PKHD1: variants seen among roughly 807,000 people sequenced by gnomAD.
PKHD1 encodes fibrocystin.
Under a neutral mutation model 412.0 loss-of-function variants are expected in PKHD1, and 291 were observed. The ratio of observed to expected loss-of-function variants is 0.71; its 90% CI spans 0.64 to 0.78. The LOEUF is 0.78. Among genes scored for constraint, PKHD1 ranks in the 30% least tolerant of loss-of-function variants. The pLI, the probability that PKHD1 is intolerant of heterozygous loss-of-function variation, is 0.00. For synonymous variants in PKHD1, 1,777 were observed against 1,821.5 expected, an observed-to-expected ratio of 0.98 and a Z score of 0.62; for missense variants, 4,825 against 4,950.7, an observed-to-expected ratio of 0.97 and a Z score of 0.76.
intron 37 of PKHD1, among the ~76,000 whole-genome samples, chr6:51,931,550 A>G (rs781221033): frequency 6.6e-6 from 1 of 152,186 alleles, no homozygotes; most frequent in Non-Finnish European, 1.5e-5. Context: ...AGAATTGATG[A>G]GCTGCACGTG....
chr6:52,086,401 A>C (rs1291236403), intron 1 of PKHD1, among the ~76,000 whole-genome samples: 5 of 152,004 alleles, frequency 3.3e-5, no homozygotes, highest in Non-Finnish European at 2.9e-5. Context: ...ATGAACCACC[A>C]CACCTGGCCA....
chr6:51,764,141 C>T (rs1788539451), intron 55 of PKHD1, among the ~76,000 whole-genome samples: 1 of 146,344 alleles, frequency 6.8e-6, no homozygotes. Flanking sequence ...TGATATTCCC[C>T]TTCCTGTGTC....
At position 52,060,141 on chromosome 6, in the gene PKHD1, AAAG is replaced by A. The variant is rs149924869; in HGVS notation, c.1119-102_1119-100del. On this transcript the variant is annotated intron_variant, in intron 14 of 66. Coordinates refer to ENST00000371117, the MANE Select transcript of PKHD1 (RefSeq NM_138694.4). ...GTACTTTGTCTTCTTTTATGGTAATAAAGAAGAACAACCTGATTCTTATGCCAC... is the reference window on the plus strand; with the variant it reads ...GTACTTTGTCTTCTTTTATGGTAATAAAGAACAACCTGATTCTTATGCCAC... 3,894 of 728,214 alleles carry A rather than the reference AAAG, an allele frequency of 5.3e-3. 97 individuals are homozygous for A. The African/African-American group carries it at 0.057, about 11-fold the overall frequency. 45.1% of individuals were successfully genotyped at this position (728,214 alleles called of 1,614,324 possible).
At chr6:51,871,409 AG>A in intron 46 of PKHD1, among the ~76,000 whole-genome samples, 1 of 73,018 alleles carries the variant, frequency 1.4e-5, no homozygotes, top group African/African-American at 3.9e-5. Flanking sequence ...TCAGGAGTGA[AG>A]GAAGCCAGTC....
At chr6:51,728,572 A>C (rs1242632698) in intron 60 of PKHD1, among the ~76,000 whole-genome samples, 1 of 152,160 alleles carries the variant, frequency 6.6e-6, no homozygotes, top group Non-Finnish European at 1.5e-5. Context: ...CTACAACTAC[A>C]TGGAACTGAA....
At chr6:52,045,185 T>C (rs1805593898) in intron 24 of PKHD1, 97 bp from the exon 25 acceptor site, 1 of 1,165,570 alleles carries the variant, frequency 8.6e-7, no homozygotes, top group African/African-American at 1.5e-5. Flanking sequence ...GTGTTTCAGA[T>C]AATCAGACAG....
At chr6:52,081,683 C>T (rs767664735) in intron 4 of PKHD1, among the ~76,000 whole-genome samples, 1 of 152,100 alleles carries the variant, frequency 6.6e-6, no homozygotes, top group Non-Finnish European at 1.5e-5. Flanking sequence ...GGAAAGATAA[C>T]TTAGTTGAAT....
intron 35 of PKHD1, among the ~76,000 whole-genome samples, chr6:51,968,714 G>T (rs1393200553): frequency 6.6e-6 from 1 of 152,178 alleles, no homozygotes; most frequent in Non-Finnish European, 1.5e-5. Flanking sequence ...GAACAGACAT[G>T]ATCCAGGCCA....
Position 51,750,213 on chromosome 6 carries a change from G to C in PKHD1, c.8951-1548C>G, listed in dbSNP as rs151170381. 9.7e-4 allele frequency among the ~76,000 whole-genome samples: 148 copies of C among 152,082 alleles called. 1 individual carries two copies. The highest frequency in any genetic ancestry group is 3.4e-3 in the African/African-American group (139 of 41,488). ...TCCGAAGTATCTAAATTTCTCAATGGGTGCTATTGAGGAGGCATTCGTAGA... is the reference window on the plus strand; with the variant it reads ...TCCGAAGTATCTAAATTTCTCAATGCGTGCTATTGAGGAGGCATTCGTAGA... On this transcript the variant is annotated intron_variant, in intron 57 of 66. Transcript: ENST00000371117.
intron 52 of PKHD1, among the ~76,000 whole-genome samples, chr6:51,807,298 C>T (rs1032615185): frequency 2.0e-5 from 3 of 151,354 alleles, no homozygotes; most frequent in Non-Finnish European, 4.4e-5. Context: ...ATTAGCCAGG[C>T]ATGGTGGCTC....
At chr6:51,816,085 A>G (rs1765413645) in intron 52 of PKHD1, among the ~76,000 whole-genome samples, 1 of 152,214 alleles carries the variant, frequency 6.6e-6, no homozygotes, top group African/African-American at 2.4e-5. Flanking sequence ...TTTTAACCAT[A>G]TATTCCCAAT....
At chr6:52,020,518 G>C (rs919664036) in intron 33 of PKHD1, among the ~76,000 whole-genome samples, 3 of 152,228 alleles carry the variant, frequency 2.0e-5, no homozygotes, top group African/African-American at 7.2e-5. Context: ...TTCTGATTCA[G>C]TAGGGCCCAA....
intron 61 of PKHD1, among the ~76,000 whole-genome samples, chr6:51,657,429 A>C (rs972728723): frequency 1.2e-4 from 18 of 152,198 alleles, no homozygotes; most frequent in African/African-American, 4.3e-4. Flanking sequence ...CTTAAGAAGC[A>C]GCCCTTCTTT....
chr6:51,730,587 T>C (rs1421672090), intron 60 of PKHD1, among the ~76,000 whole-genome samples: 5 of 152,182 alleles, frequency 3.3e-5, no homozygotes, highest in Non-Finnish European at 7.4e-5. Flanking sequence ...AATGAATGCT[T>C]CCAATTGTCA....
intron 46 of PKHD1, among the ~76,000 whole-genome samples, chr6:51,874,448 AG>A (rs767027494): frequency 4.6e-5 from 7 of 152,284 alleles, no homozygotes; most frequent in Non-Finnish European, 4.4e-5. Flanking sequence ...CTCAATACAA[AG>A]GTAACATTGG....
chr6:51,930,518 C>A (rs1026645499), intron 37 of PKHD1, among the ~76,000 whole-genome samples: 1 of 152,142 alleles, frequency 6.6e-6, no homozygotes, highest in Non-Finnish European at 1.5e-5. Flanking sequence ...GTTTGCTTAG[C>A]GATTTTAATC....
chr6:51,775,712 G>C (rs1790906715), intron 54 of PKHD1, 96 bp downstream of exon 54: 1 of 709,142 alleles, frequency 1.4e-6, no homozygotes, highest in Non-Finnish European at 2.5e-6. Context: ...TTGGAATTTA[G>C]CATATGTTCT....
At chr6:51,728,787 T>A (rs1054930265) in intron 60 of PKHD1, among the ~76,000 whole-genome samples, 26 of 152,216 alleles carry the variant, frequency 1.7e-4, no homozygotes, top group Admixed American at 1.7e-3. Context: ...TAATTTGTTA[T>A]AGCAGCAATA....
chr6:51,656,622 T>A (rs2150399741), intron 61 of PKHD1, among the ~76,000 whole-genome samples: 1 of 151,946 alleles, frequency 6.6e-6, no homozygotes, highest in Middle Eastern at 3.4e-3. Flanking sequence ...CTACTCCGTT[T>A]CTTCCCACAA....
Sources: gnomAD v4.1 joint callset for allele counts (sites outside exome capture counted in the v4.1 genomes callset) on GRCh38, gnomAD v4.1.1 for gene constraint, MANE v1.5 for transcripts, NCBI Gene and HGNC (gene_info 2026-07-23, HGNC 2026-07-21) for gene names.